The following RBMS3 variants were observed in gnomAD, a reference collection of about 807,000 sequenced individuals.
RBMS3 encodes the protein RNA binding motif single stranded interacting protein 3.
A neutral mutation model predicts 66.8 loss-of-function variants in RBMS3; 27 were observed. The ratio of observed to expected loss-of-function variants is 0.40; its 90% confidence interval spans 0.30 to 0.56. The LOEUF (loss-of-function observed/expected upper bound fraction) is 0.56, where lower values mean the gene tolerates loss of function less well. RBMS3 is among the 20% of genes least tolerant of loss of function. RBMS3 has a pLI of 0.40. For synonymous variants in RBMS3, 188 were observed against 183.0 expected, an observed-to-expected ratio of 1.03 and a Z score of -0.22; for missense variants, 513 against 549.5, an observed-to-expected ratio of 0.93 and a Z score of 0.66.
At chr3:29,639,196 T>C (rs952622966) in intron 4 of RBMS3, among the ~76,000 whole-genome samples, 2 of 151,802 alleles carry the variant, frequency 1.3e-5, no homozygotes, top group African/African-American at 4.8e-5. Flanking sequence ...AATCTCTTTC[T>C]GAAAGTTTCC....
chr3:29,596,510 A>G (rs924869409), intron 4 of RBMS3, among the ~76,000 whole-genome samples: 3 of 152,222 alleles, frequency 2.0e-5, no homozygotes, highest in African/African-American at 7.2e-5. Context: ...TATAATTATT[A>G]TCTCATTTAA....
At chr3:29,748,524 T>C (rs534719006) in intron 5 of RBMS3, among the ~76,000 whole-genome samples, 6 of 152,266 alleles carry the variant, frequency 3.9e-5, no homozygotes, top group Admixed American at 2.0e-4. Flanking sequence ...AAGTAATGTA[T>C]TGATTGGCTA....
At chr3:29,715,322 C>T (rs1169655211) in intron 4 of RBMS3, among the ~76,000 whole-genome samples, 1 of 152,132 alleles carries the variant, frequency 6.6e-6, no homozygotes, top group Non-Finnish European at 1.5e-5. Flanking sequence ...ATGCTTCATT[C>T]ATGGCTGAGA....
intron 4 of RBMS3, chr3:29,698,667 T>C: frequency 1.0e-6 from 1 of 962,538 alleles, no homozygotes; most frequent in Non-Finnish European, 1.2e-6. Context: ...TCTCATTTGC[T>C]TTTTTTAAAG....
intron 2 of RBMS3, among the ~76,000 whole-genome samples, chr3:29,481,781 C>A (rs146060558): frequency 1.9e-3 from 285 of 152,220 alleles, no homozygotes; most frequent in Non-Finnish European, 2.4e-3. Flanking sequence ...GACATACTGG[C>A]TCTATCAAAT....
intron 6 of RBMS3, among the ~76,000 whole-genome samples, chr3:29,816,602 G>T (rs11708604): frequency 6.6e-6 from 1 of 151,932 alleles, no homozygotes; most frequent in East Asian, 1.9e-4. Flanking sequence ...AGAAATCAAA[G>T]GTTCTTCTGG....
In RBMS3 at chr3:29,359,440, C is replaced by T. The variant is rs534924845; in HGVS notation, c.76-75303C>T. On this transcript the variant is annotated intron_variant, in intron 1 of 14. Transcript: ENST00000383767. Reference sequence around the variant, plus strand: ...TAAGTTTTTGATGTGTTGCTGGATTCGGTTTGCCAGTATTTTATTGAGGAT... The same window carrying T: ...TAAGTTTTTGATGTGTTGCTGGATTTGGTTTGCCAGTATTTTATTGAGGAT... 1.6e-4 allele frequency among the ~76,000 whole-genome samples: 25 copies of T among 152,226 alleles called. No individual in the cohort carries two copies. The South Asian group carries it at 4.2e-3, about 25-fold the overall frequency.
At chr3:29,946,977 G>T (rs1409156263) in intron 12 of RBMS3, among the ~76,000 whole-genome samples, 1 of 151,508 alleles carries the variant, frequency 6.6e-6, no homozygotes, top group African/African-American at 2.4e-5. Context: ...GTGCAATTAT[G>T]ATATTGGCAA....
chr3:29,938,546 G>A (rs924306429), intron 11 of RBMS3, among the ~76,000 whole-genome samples: 7 of 151,954 alleles, frequency 4.6e-5, no homozygotes, highest in Non-Finnish European at 8.8e-5. Flanking sequence ...ATATAATTAA[G>A]TGTGGTTGGT....
chr3:29,554,408 A>G (rs774472748), intron 3 of RBMS3, among the ~76,000 whole-genome samples: 3 of 152,218 alleles, frequency 2.0e-5, no homozygotes, highest in Non-Finnish European at 2.9e-5. Flanking sequence ...AGTAACAGTC[A>G]ATGCTGGCTC....
chr3:29,341,739 A>C (rs933590289), intron 1 of RBMS3, among the ~76,000 whole-genome samples: 4 of 152,118 alleles, frequency 2.6e-5, no homozygotes, highest in Admixed American at 6.6e-5. Flanking sequence ...TTAGTGGTTT[A>C]TAATCCTTTA....
intron 4 of RBMS3, among the ~76,000 whole-genome samples, chr3:29,590,036 C>T (rs1207358625): frequency 2.6e-5 from 4 of 151,650 alleles, no homozygotes; most frequent in Admixed American, 6.6e-5. Context: ...TTACCATTAA[C>T]GGAGATGAAC....
At chr3:29,880,836 C>A (rs1443729808) in intron 7 of RBMS3, 3 of 1,533,064 alleles carry the variant, frequency 2.0e-6, no homozygotes, top group Admixed American at 2.0e-5. Context: ...ATCTTGTATT[C>A]ATTCCCGACC....
intron 10 of RBMS3, among the ~76,000 whole-genome samples, chr3:29,929,928 T>G (rs2149676840): frequency 6.6e-6 from 1 of 151,898 alleles, no homozygotes; most frequent in South Asian, 2.1e-4. Context: ...AAGTTAGCAC[T>G]CAAAAATAAT....
chr3:29,877,151 G>A (rs2059628516), intron 7 of RBMS3, among the ~76,000 whole-genome samples: 1 of 152,184 alleles, frequency 6.6e-6, no homozygotes, highest in Non-Finnish European at 1.5e-5. Flanking sequence ...TGGAATTCAG[G>A]ATACAAACTT....
intron 1 of RBMS3, among the ~76,000 whole-genome samples, chr3:29,398,150 C>T (rs926424830): frequency 6.6e-6 from 1 of 152,134 alleles, no homozygotes; most frequent in African/African-American, 2.4e-5. Flanking sequence ...GTCACAGACT[C>T]CTCATCCATC....
At chr3:29,791,179 T>C (rs1294789077) in intron 6 of RBMS3, among the ~76,000 whole-genome samples, 1 of 152,218 alleles carries the variant, frequency 6.6e-6, no homozygotes, top group Non-Finnish European at 1.5e-5. Context: ...GGTGAACAGG[T>C]GAATAACATT....
At chr3:29,634,660 C>T (rs987376132) in intron 4 of RBMS3, among the ~76,000 whole-genome samples, 5 of 151,804 alleles carry the variant, frequency 3.3e-5, no homozygotes, top group Non-Finnish European at 7.4e-5. Flanking sequence ...ATTATTCCCC[C>T]TTTCCCATCT....
At chr3:29,530,590 G>A (rs1220625060) in intron 3 of RBMS3, among the ~76,000 whole-genome samples, 3 of 151,838 alleles carry the variant, frequency 2.0e-5, no homozygotes, top group Admixed American at 1.3e-4. Context: ...TGCCTGGCAC[G>A]GTGGCTCACT....
Sources: allele counts gnomAD v4.1 joint callset (sites outside exome capture counted in the v4.1 genomes callset), GRCh38; gene constraint gnomAD v4.1.1; transcripts MANE v1.5; gene names NCBI Gene and HGNC (gene_info 2026-07-23, HGNC 2026-07-21).